Variants in TIAM1 observed in about 807,000 individuals in gnomAD.
The protein encoded by TIAM1 is TIAM Rac1 associated GEF 1, also known as rho guanine nucleotide exchange factor TIAM1.
In TIAM1, 65 loss-of-function variants were observed where a neutral mutation model predicts 163.5. That is an observed-to-expected ratio of 0.40 (90% confidence interval 0.33 to 0.49). The LOEUF is 0.49. Ranked by LOEUF, TIAM1 falls within the 20% of genes least tolerant of loss-of-function variation. The pLI, the probability that TIAM1 is intolerant of heterozygous loss-of-function variation, is 0.77. For synonymous variants in TIAM1, 833 were observed against 810.1 expected (o/e 1.03, Z -0.48); for missense variants, 1,789 against 2,044.7 (o/e 0.87, Z 2.41).
Position 31,460,909 on chromosome 21 carries a change from C to A in TIAM1, c.-369+3074G>T, listed in dbSNP as rs2045301140. On this transcript the variant is annotated intron_variant, in intron 2 of 28. Transcript: ENST00000286827. The stretch of plus-strand genomic sequence containing the variant: ...AGTCCTTTAAATTTTCAATCTATTT[C>A]ATTTTTTTTACATAAAGAATTCAAT... 5.3e-5 allele frequency among the ~76,000 whole-genome samples: 8 copies of A among 152,048 alleles called. No individual in the cohort carries two copies. The South Asian group carries it at 1.7e-3, about 31-fold the overall frequency.
At chr21:31,267,589 G>C (rs1156875674) in intron 3 of TIAM1, among the ~76,000 whole-genome samples, 1 of 143,902 alleles carries the variant, frequency 6.9e-6, no homozygotes, top group Non-Finnish European at 1.5e-5. Context: ...AAAACCTCAA[G>C]GTGTAAGTCT....
chr21:31,216,884 C>T (rs2146593190), intron 9 of TIAM1, among the ~76,000 whole-genome samples: 1 of 152,272 alleles, frequency 6.6e-6, no homozygotes, highest in Admixed American at 6.5e-5. Flanking sequence ...CTGGAGGCTG[C>T]CTTTCATCCA....
intron 1 of TIAM1, among the ~76,000 whole-genome samples, chr21:31,558,492 A>T (rs576412734): frequency 6.6e-6 from 1 of 152,198 alleles, no homozygotes; most frequent in South Asian, 2.1e-4. Flanking sequence ...AGACGCAAAC[A>T]TAGACACAAG....
intron 1 of TIAM1, among the ~76,000 whole-genome samples, chr21:31,545,105 G>C (rs900610621): frequency 6.6e-5 from 10 of 152,202 alleles, no homozygotes; most frequent in African/African-American, 2.4e-4. Flanking sequence ...ATCAAGTTAA[G>C]AAGAGGTCAT....
At chr21:31,178,855 G>GA (rs1366535257) in intron 15 of TIAM1, among the ~76,000 whole-genome samples, 1 of 151,628 alleles carries the variant, frequency 6.6e-6, no homozygotes, top group Non-Finnish European at 1.5e-5. Context: ...GGGTTCAAGC[G>GA]ATTCTGCCGC....
At chr21:31,294,862 C>T (rs1382196080) in intron 2 of TIAM1, among the ~76,000 whole-genome samples, 1 of 152,214 alleles carries the variant, frequency 6.6e-6, no homozygotes, top group African/African-American at 2.4e-5. Flanking sequence ...GGCCTGAACG[C>T]ATGTTGGCAC....
chr21:31,178,038 C>T (rs1016561649), intron 15 of TIAM1, among the ~76,000 whole-genome samples: 1 of 152,134 alleles, frequency 6.6e-6, no homozygotes, highest in Non-Finnish European at 1.5e-5. Flanking sequence ...CCATCCTGCC[C>T]GTTGTACAAA....
chr21:31,270,185 C>T (rs778042540), intron 3 of TIAM1, among the ~76,000 whole-genome samples: 6 of 152,106 alleles, frequency 3.9e-5, no homozygotes, highest in African/African-American at 9.7e-5. Flanking sequence ...ACTTTTTTTA[C>T]GGCTTCCACA....
intron 2 of TIAM1, among the ~76,000 whole-genome samples, chr21:31,279,899 A>G (rs2073469698): frequency 6.6e-6 from 1 of 152,232 alleles, no homozygotes; most frequent in Admixed American, 6.5e-5. Context: ...TATAAATTGA[A>G]TGACATCAGT....
At chr21:31,309,925 G>T (rs1001312430) in intron 2 of TIAM1, among the ~76,000 whole-genome samples, 3 of 152,168 alleles carry the variant, frequency 2.0e-5, no homozygotes, top group Non-Finnish European at 4.4e-5. Flanking sequence ...TCTGTGAGAA[G>T]CTCATAACCA....
At chr21:31,432,114 TTTTTTG>T (rs1297498468) in intron 2 of TIAM1, among the ~76,000 whole-genome samples, 1 of 141,180 alleles carries the variant, frequency 7.1e-6, no homozygotes, top group African/African-American at 2.7e-5. Flanking sequence ...TTTTTTTTTT[TTTTTTG>T]AGACGGAGTC....
intron 2 of TIAM1, among the ~76,000 whole-genome samples, chr21:31,428,202 C>G (rs1199024564): frequency 6.6e-6 from 1 of 152,054 alleles, no homozygotes; most frequent in Non-Finnish European, 1.5e-5. Context: ...TTGCAGTGAG[C>G]CGAGATCACA....
chr21:31,132,748 AGT>A (rs2082464070), intron 23 of TIAM1, among the ~76,000 whole-genome samples: 1 of 152,112 alleles, frequency 6.6e-6, no homozygotes, highest in African/African-American at 2.4e-5. Context: ...GTGTTACTCA[AGT>A]GACTCCACAG....
At chr21:31,239,602 G>A (rs954291109) in intron 6 of TIAM1, among the ~76,000 whole-genome samples, 1 of 152,062 alleles carries the variant, frequency 6.6e-6, no homozygotes, top group Non-Finnish European at 1.5e-5. Context: ...TAAAAAGCAA[G>A]CCACAGAGTA....
chr21:31,482,221 G>A (rs1369869239), intron 1 of TIAM1, among the ~76,000 whole-genome samples: 2 of 151,530 alleles, frequency 1.3e-5, no homozygotes, highest in Non-Finnish European at 2.9e-5. Flanking sequence ...GCGCAATCTC[G>A]GCTCACTGCA....
intron 2 of TIAM1, among the ~76,000 whole-genome samples, chr21:31,313,489 T>A (rs1387064366): frequency 6.6e-6 from 1 of 152,184 alleles, no homozygotes; most frequent in Non-Finnish European, 1.5e-5. Flanking sequence ...TGGTTCACAA[T>A]ATAGAGAAAA....
chr21:31,458,098 C>G lies in TIAM1; in HGVS notation c.-369+5885G>C, dbSNP rs753110420. 3.3e-5 allele frequency among the ~76,000 whole-genome samples: 5 copies of G among 152,308 alleles called. 1 individual carries two copies. Among genetic ancestry groups the G allele is most frequent in the Non-Finnish European group, 1.5e-5 (1 of 68,022 alleles). ...ACACCTTGTATTACAACCCTCCACA[C>G]TGTGGGCTACCCTAACACATGAGGT... On this transcript the variant is annotated intron_variant, in intron 2 of 28. Coordinates refer to the TIAM1 transcript ENST00000286827.
chr21:31,135,001 GA>G (rs961034775), intron 23 of TIAM1, among the ~76,000 whole-genome samples: 17 of 148,562 alleles, frequency 1.1e-4, no homozygotes, highest in East Asian at 3.9e-4. Context: ...CATCATGGAG[GA>G]AAAAAAAAAG....
chr21:31,130,242 G>A lies in TIAM1; in HGVS notation c.4016C>T (p.Ala1339Val), dbSNP rs1319513413. 4.3e-6 allele frequency: 7 copies of A among 1,614,012 alleles called. No homozygotes were observed. Among genetic ancestry groups the A allele is most frequent in the Middle Eastern group, 3.3e-4 (2 of 6,084 alleles). The change falls in exon 25 of 28, where the codon GCG (alanine) becomes GTG (valine). Residue 1339 changes from alanine to valine, a missense_variant. Physicochemically the swap from Ala to Val is moderately conservative, Grantham distance 64 (BLOSUM62 0). Around this residue, in one of 5 missense-constraint regions of TIAM1, gnomAD observed 415 missense variants for 439.2 expected, o/e 0.94. Transcript: ENST00000541036. The part of the protein sequence containing the change: ...FRFRHMIPTE[A>V]LQVRALASAD... ...ACTCGCCAAAGCTCGAACCTGCAGCGCTTCCGTGGGGATCATGTGTCGAAA... is the reference window on the plus strand; with the variant it reads ...ACTCGCCAAAGCTCGAACCTGCAGCACTTCCGTGGGGATCATGTGTCGAAA...
Sources: allele counts gnomAD v4.1 joint callset (sites outside exome capture counted in the v4.1 genomes callset), GRCh38; gene constraint gnomAD v4.1.1; regional missense constraint gnomAD v4.1.1; transcripts MANE v1.5; gene names NCBI Gene and HGNC (gene_info 2026-07-23, HGNC 2026-07-21).